The following ATXN7L1 variants were observed in gnomAD, a reference collection of about 807,000 sequenced individuals.
ATXN7L1 encodes ataxin-7-like protein 1.
In ATXN7L1, 15 loss-of-function variants were observed where a neutral mutation model predicts 70.8. That is an observed-to-expected ratio of 0.21 (90% CI 0.14 to 0.33). The LOEUF is 0.33. Among genes scored for constraint, ATXN7L1 ranks in the 10% least tolerant of loss-of-function variants. The probability of loss-of-function intolerance (pLI) is 1.00; values close to 1 mark genes in which losing one functional copy is unlikely to be tolerated. For missense variants in ATXN7L1, 975 were observed against 1,097.1 expected, an observed-to-expected ratio of 0.89 and a Z score of 1.57; for synonymous variants, 440 against 445.1, an observed-to-expected ratio of 0.99 and a Z score of 0.14.
chr7:105,629,860 C>T lies in ATXN7L1; in HGVS notation c.1203-5593G>A, dbSNP rs1796334795. ...TGAGACACAGTCTCACTCCTTCACC[C>T]AGGCTGGAGTACAGTGGTGTAGTCT... On this transcript the variant is annotated intron_variant, in intron 7 of 11. Transcript: ENST00000419735. 2.0e-5 allele frequency among the ~76,000 whole-genome samples: 3 copies of T among 151,470 alleles called. No homozygotes were observed. In the South Asian group the frequency reaches 6.3e-4, roughly 32 times the overall value.
chr7:105,682,471 G>A (rs990389978), intron 3 of ATXN7L1, among the ~76,000 whole-genome samples: 2 of 152,122 alleles, frequency 1.3e-5, no homozygotes, highest in Admixed American at 6.6e-5. Context: ...ACAAATCCAT[G>A]TCCACAAATG....
chr7:105,638,435 G>C lies in ATXN7L1; in HGVS notation c.1120C>G (p.Leu374Val). 1 of 1,552,340 alleles carries C rather than the reference G, an allele frequency of 6.4e-7. No homozygotes were observed. The highest frequency in any genetic ancestry group is 8.7e-7 in the Non-Finnish European group (1 of 1,147,140). Residue 374 changes from leucine to valine, a missense_variant, in exon 7 of 12, where the codon CTA becomes GTA. Around this residue, in one of 5 missense-constraint regions of ATXN7L1, gnomAD observed 635 missense variants for 699.4 expected, o/e 0.91. Transcript: ENST00000419735. ...GGCCCAGAGCTCCCTGAAGACCCTAGCAGAGAATCCTGTGCCGGCCCGGAT... is the reference window on the plus strand; with the variant it reads ...GGCCCAGAGCTCCCTGAAGACCCTACCAGAGAATCCTGTGCCGGCCCGGAT... ...SQSGPAQDSL[L>V]GSSGSSGPEP...
At position 105,733,497 on chromosome 7, in the gene ATXN7L1, TCCATCCTTCCATCCATCC is replaced by T. The variant is rs1563048242; in HGVS notation, c.355+55089_355+55106del. Among the ~76,000 whole-genome samples the T allele has an allele frequency of 4.1e-4, 57 of 137,868 alleles. 1 individual carries two copies. The highest frequency in any genetic ancestry group is 8.0e-4 in the Admixed American group (11 of 13,734). The allele number at this position is 137,868 out of a possible 152,430, so 90.4% of individuals were successfully genotyped here. On this transcript the variant is annotated intron_variant, in intron 3 of 11. Coordinates refer to ENST00000419735, the MANE Select transcript of ATXN7L1 (RefSeq NM_020725.2). ...TCCAGGAGGTCCATCCATCCACCCA[TCCATCCTTCCATCCATCC>T]ACCCATCCATCCATCCATCCATCCA...
chr7:105,617,877 T>A (rs1202772620), intron 9 of ATXN7L1: 3 of 453,922 alleles, frequency 6.6e-6, no homozygotes, highest in Non-Finnish European at 1.3e-5. Context: ...CCGTTCCTTT[T>A]CTTCCTAATG....
At chr7:105,775,077 T>A (rs1802537882) in intron 3 of ATXN7L1, among the ~76,000 whole-genome samples, 1 of 152,208 alleles carries the variant, frequency 6.6e-6, no homozygotes, top group Non-Finnish European at 1.5e-5. Flanking sequence ...GTTTACTGAC[T>A]CTTTCATCCT....
At chr7:105,723,300 A>G (rs1056840760) in intron 3 of ATXN7L1, among the ~76,000 whole-genome samples, 6 of 152,172 alleles carry the variant, frequency 3.9e-5, no homozygotes, top group African/African-American at 1.4e-4. Flanking sequence ...AAATATTGAG[A>G]GTTCCTATTG....
At chr7:105,683,870 G>A (rs1328361247) in intron 3 of ATXN7L1, among the ~76,000 whole-genome samples, 1 of 152,238 alleles carries the variant, frequency 6.6e-6, no homozygotes, top group East Asian at 1.9e-4. Flanking sequence ...TTTCCATAAA[G>A]GAATCATCAT....
intron 3 of ATXN7L1, among the ~76,000 whole-genome samples, chr7:105,685,676 G>T (rs561385065): frequency 7.2e-5 from 11 of 152,272 alleles, no homozygotes; most frequent in African/African-American, 2.6e-4. Flanking sequence ...TCAGCAGCAG[G>T]GAACCGGCAG....
rs1819330668 is a variant in ATXN7L1, at chr7:105,876,507, C to T, written c.52G>A (p.Gly18Arg). The change falls in exon 1 of 12, where the codon GGA becomes AGA. Residue 18 changes from glycine (G) to arginine (R), a missense_variant. Gly to Arg is a moderately radical substitution (Grantham distance 125). This residue lies in a region of ATXN7L1 where 135 missense variants were observed against 132.6 expected (regional missense o/e 1.02). Transcript: ENST00000419735. ...IPCLSAAAAE[G>R]TGKKQQEGRA... ...CCTTCTTGTTGCTTTTTCCCTGTTC[C>T]TTCGGCAGCAGCAGCCGAGAGACAC... is the stretch of plus-strand genomic sequence containing the variant. The T allele has an allele frequency of 6.2e-7, 1 of 1,612,512 alleles. No homozygotes were observed. The highest frequency in any genetic ancestry group is 1.1e-5 in the South Asian group (1 of 90,974).
At chr7:105,756,017 T>A (rs1316036484) in intron 3 of ATXN7L1, among the ~76,000 whole-genome samples, 1 of 152,198 alleles carries the variant, frequency 6.6e-6, no homozygotes, top group East Asian at 1.9e-4. Flanking sequence ...CTTGTGTGTG[T>A]TTATGATGTC....
chr7:105,727,746 G>GTGTGTATATATATATATATA (rs1333693053), intron 3 of ATXN7L1, among the ~76,000 whole-genome samples: 26 of 55,338 alleles, frequency 4.7e-4, no homozygotes, highest in Non-Finnish European at 6.6e-4. Flanking sequence ...GTGTATGTGT[G>GTGTGTATATATATATATATA]TATATATATA....
intron 5 of ATXN7L1, among the ~76,000 whole-genome samples, chr7:105,640,069 G>A (rs559020242): frequency 6.6e-6 from 1 of 152,134 alleles, no homozygotes; most frequent in African/African-American, 2.4e-5. Flanking sequence ...CATGTAAATG[G>A]GAGATTACTC....
At chr7:105,689,656 G>A (rs1276596361) in intron 3 of ATXN7L1, among the ~76,000 whole-genome samples, 2 of 152,194 alleles carry the variant, frequency 1.3e-5, no homozygotes, top group East Asian at 1.9e-4. Context: ...ATACGGAGGA[G>A]GCACGGGGAA....
At chr7:105,785,599 A>AAC (rs1489564780) in intron 3 of ATXN7L1, among the ~76,000 whole-genome samples, 3 of 151,780 alleles carry the variant, frequency 2.0e-5, no homozygotes, top group East Asian at 3.9e-4. Flanking sequence ...GAAAGAGAAA[A>AAC]AAAAAAGAAT....
At chr7:105,837,727 T>G (rs1433693665) in intron 2 of ATXN7L1, among the ~76,000 whole-genome samples, 1 of 152,118 alleles carries the variant, frequency 6.6e-6, no homozygotes, top group African/African-American at 2.4e-5. Flanking sequence ...TCCCTGGGGA[T>G]CTGCTTTACT....
chr7:105,606,102 T>A lies in ATXN7L1; in HGVS notation c.*1750A>T. The A allele has an allele frequency of 6.6e-6, 1 of 152,160 alleles. No individual in the cohort carries two copies. The highest frequency in any genetic ancestry group is 1.9e-4 in the East Asian group (1 of 5,202). The allele number at this position is 152,160 out of a possible 1,614,324, so 9.4% of individuals were successfully genotyped here. A position where few individuals can be genotyped will look rare whatever the true frequency, so the allele number is the denominator to read the frequency against. ...ACAATCATCCCTTCAATTTGCAGTC[T>A]CTTTTCCCAAGACGTAAATAAACCA... On this transcript the variant is annotated 3_prime_UTR_variant, in exon 12 of 12. Coordinates refer to ENST00000419735, the MANE Select transcript of ATXN7L1 (RefSeq NM_020725.2).
At chr7:105,737,768 T>A (rs1797562524) in intron 3 of ATXN7L1, among the ~76,000 whole-genome samples, 1 of 151,858 alleles carries the variant, frequency 6.6e-6, no homozygotes, top group Admixed American at 6.6e-5. Context: ...GCGGAAGGAG[T>A]AACAACAGCG....
intron 3 of ATXN7L1, among the ~76,000 whole-genome samples, chr7:105,759,161 C>CT (rs10708956): frequency 5.3e-4 from 73 of 136,910 alleles, no homozygotes; most frequent in African/African-American, 1.7e-3. Flanking sequence ...TTTATTCTTA[C>CT]TTTTTTTTTT....
Position 105,725,675 on chromosome 7 carries a change from A to T in ATXN7L1, c.356-60387T>A, listed in dbSNP as rs1360254634. Among the ~76,000 whole-genome samples the T allele has an allele frequency of 2.6e-5, 4 of 151,606 alleles. No homozygotes were observed. In the East Asian group the frequency reaches 7.8e-4, roughly 29 times the overall value. On this transcript the variant is annotated intron_variant, in intron 3 of 11. Transcript: ENST00000419735. ...GGCTCACTGCAACCTCCCCCTCCCA[A>T]GTTCAAGTGATTCTCGTGTTTCAGC...
Sources: gnomAD v4.1 joint callset for allele counts (sites outside exome capture counted in the v4.1 genomes callset) on GRCh38, gnomAD v4.1.1 for gene constraint, gnomAD v4.1.1 regional missense constraint, MANE v1.5 for transcripts, NCBI Gene and HGNC (gene_info 2026-07-23, HGNC 2026-07-21) for gene names.